Variants in GRM8 observed in about 807,000 individuals in gnomAD.
GRM8 encodes glutamate metabotropic receptor 8.
Under a neutral mutation model 87.2 loss-of-function variants are expected in GRM8, and 47 were observed. That is an observed-to-expected ratio of 0.54 (90% confidence interval 0.43 to 0.69). The LOEUF (loss-of-function observed/expected upper bound fraction) is 0.69. GRM8 is among the 30% of genes least tolerant of loss of function. The pLI, the probability that GRM8 is intolerant of heterozygous loss-of-function variation, is 0.00. For missense variants in GRM8, 1,019 were observed against 1,139.2 expected, an observed-to-expected ratio of 0.89 and a Z score of 1.52; for synonymous variants, 396 against 404.5, an observed-to-expected ratio of 0.98 and a Z score of 0.25.
At chr7:126,554,423 T>TAAC (rs1792914882) in intron 8 of GRM8, among the ~76,000 whole-genome samples, 2 of 147,718 alleles carry the variant, frequency 1.4e-5, no homozygotes. Context: ...CTACAAATAA[T>TAAC]AATAATAATA....
At chr7:127,191,192 C>T (rs188741497) in intron 2 of GRM8, among the ~76,000 whole-genome samples, 4 of 152,226 alleles carry the variant, frequency 2.6e-5, no homozygotes, top group Admixed American at 2.0e-4. Context: ...AATGCCAACT[C>T]CTTTACATCA....
chr7:126,826,744 G>T (rs1045616630), intron 6 of GRM8, among the ~76,000 whole-genome samples: 62 of 152,116 alleles, frequency 4.1e-4, no homozygotes, highest in African/African-American at 1.4e-3. Context: ...GTCAATTTTG[G>T]CTTTTGTTGC....
At chr7:126,818,604 G>A (rs79556221) in intron 6 of GRM8, among the ~76,000 whole-genome samples, 7 of 152,106 alleles carry the variant, frequency 4.6e-5, no homozygotes, top group South Asian at 2.1e-4. Flanking sequence ...CTGTAAAAGC[G>A]AAAATGCTCT....
At chr7:126,769,008 C>T (rs1328627187) in intron 7 of GRM8, among the ~76,000 whole-genome samples, 3 of 151,638 alleles carry the variant, frequency 2.0e-5, no homozygotes, top group Non-Finnish European at 4.4e-5. Flanking sequence ...GAAACGCTGG[C>T]AACTGAGGTC....
chr7:127,050,247 T>C (rs986076153), intron 3 of GRM8, among the ~76,000 whole-genome samples: 1 of 152,102 alleles, frequency 6.6e-6, no homozygotes, highest in African/African-American at 2.4e-5. Flanking sequence ...CAGTTTCAAG[T>C]CAACAGGGAC....
chr7:126,687,929 G>T (rs891680777), intron 7 of GRM8, among the ~76,000 whole-genome samples: 2 of 151,858 alleles, frequency 1.3e-5, no homozygotes, highest in Non-Finnish European at 2.9e-5. Context: ...TATTGGTGAA[G>T]TAAGTCCATG....
At chr7:127,006,746 G>T (rs1814351420) in intron 3 of GRM8, among the ~76,000 whole-genome samples, 1 of 151,940 alleles carries the variant, frequency 6.6e-6, no homozygotes, top group Non-Finnish European at 1.5e-5. Flanking sequence ...ATTCTCCAGA[G>T]TTCAGTCCTT....
chr7:127,072,336 G>A (rs1464105618), intron 3 of GRM8, among the ~76,000 whole-genome samples: 1 of 152,076 alleles, frequency 6.6e-6, no homozygotes, highest in African/African-American at 2.4e-5. Context: ...GAGTTCTTAT[G>A]TGCGCCCCTC....
At chr7:126,595,043 C>T (rs1797028431) in intron 8 of GRM8, among the ~76,000 whole-genome samples, 1 of 151,932 alleles carries the variant, frequency 6.6e-6, no homozygotes, top group South Asian at 2.1e-4. Context: ...AAAAGCAATG[C>T]AGCAACTTGG....
chr7:126,680,260 G>A (rs924582238), intron 7 of GRM8, among the ~76,000 whole-genome samples: 2 of 152,136 alleles, frequency 1.3e-5, no homozygotes, highest in Non-Finnish European at 2.9e-5. Flanking sequence ...CTGTCAAGAA[G>A]AGGTGAGAAT....
intron 3 of GRM8, among the ~76,000 whole-genome samples, chr7:127,026,164 C>T (rs2132258616): frequency 6.6e-6 from 1 of 152,210 alleles, no homozygotes; most frequent in Non-Finnish European, 1.5e-5. Flanking sequence ...CATGTCCGTG[C>T]AAAGGACACA....
chr7:127,089,035 C>T (rs1823793111), intron 3 of GRM8, among the ~76,000 whole-genome samples: 2 of 152,194 alleles, frequency 1.3e-5, no homozygotes, highest in Non-Finnish European at 2.9e-5. Flanking sequence ...GATATGTCCA[C>T]CTGGAGCCTC....
In GRM8 at chr7:126,900,761, C is replaced by T. The variant is rs1334829322; in HGVS notation, c.1156+1781G>A. Reference sequence around the variant, plus strand: ...CTGAGCTCAGGCAATATGCCCACCTCGGCCTCCCAAAGTGCTAGGATTACA... The same window carrying T: ...CTGAGCTCAGGCAATATGCCCACCTTGGCCTCCCAAAGTGCTAGGATTACA... On this transcript the variant is annotated intron_variant, in intron 6 of 10. Coordinates refer to ENST00000339582, the MANE Select transcript of GRM8 (RefSeq NM_000845.3). 3.9e-5 allele frequency among the ~76,000 whole-genome samples: 6 copies of T among 152,266 alleles called. No individual in the cohort carries two copies. In the East Asian group the frequency reaches 9.7e-4, roughly 25 times the overall value.
intron 6 of GRM8, among the ~76,000 whole-genome samples, chr7:126,831,100 T>C (rs1177545984): frequency 1.3e-5 from 2 of 152,194 alleles, no homozygotes; most frequent in Non-Finnish European, 2.9e-5. Flanking sequence ...GTGTGAGGTG[T>C]CAGTCTGCCC....
At chr7:126,624,146 T>C (rs1800447254) in intron 7 of GRM8, among the ~76,000 whole-genome samples, 1 of 152,202 alleles carries the variant, frequency 6.6e-6, no homozygotes, top group Non-Finnish European at 1.5e-5. Context: ...AGAATGTCAA[T>C]GAAACACAAA....
chr7:126,713,231 T>C (rs897661309), intron 7 of GRM8, among the ~76,000 whole-genome samples: 6 of 151,948 alleles, frequency 3.9e-5, no homozygotes, highest in African/African-American at 1.5e-4. Flanking sequence ...ATAAAGAAAA[T>C]GTGGCACGTA....
chr7:126,726,794 T>G (rs1813035474), intron 7 of GRM8, among the ~76,000 whole-genome samples: 1 of 152,110 alleles, frequency 6.6e-6, no homozygotes, highest in South Asian at 2.1e-4. Flanking sequence ...TCTGAAACTG[T>G]AAGCCCAGCA....
intron 7 of GRM8, among the ~76,000 whole-genome samples, chr7:126,656,506 A>G (rs1016118960): frequency 6.7e-6 from 1 of 148,444 alleles, no homozygotes; most frequent in Non-Finnish European, 1.5e-5. Flanking sequence ...GTTTCTACTA[A>G]AAATACAAAA....
intron 2 of GRM8, among the ~76,000 whole-genome samples, chr7:127,241,607 G>C (rs962633155): frequency 6.6e-6 from 1 of 151,732 alleles, no homozygotes; most frequent in African/African-American, 2.4e-5. Flanking sequence ...CTAATTTTTT[G>C]TATCTTTTTA....
Sources: gnomAD v4.1 joint callset for allele counts (sites outside exome capture counted in the v4.1 genomes callset) on GRCh38, gnomAD v4.1.1 for gene constraint, MANE v1.5 for transcripts, NCBI Gene and HGNC (gene_info 2026-07-23, HGNC 2026-07-21) for gene names.